Variants in PGM5 observed in about 807,000 individuals in gnomAD.
PGM5 encodes phosphoglucomutase 5, also known as phosphoglucomutase-like protein 5.
In PGM5, 23 loss-of-function variants were observed where a neutral mutation model predicts 59.2. The observed-to-expected ratio is 0.39, with a 90% CI of 0.28 to 0.55. The LOEUF is 0.55. Among genes scored for constraint, PGM5 ranks in the 20% least tolerant of loss-of-function variants. The pLI, the probability that PGM5 is intolerant of heterozygous loss-of-function variation, is 0.66. For missense variants in PGM5, 574 were observed against 748.3 expected (o/e 0.77, Z 2.72); for synonymous variants, 214 against 286.0 (o/e 0.75, Z 2.54).
chr9:68,509,103 G>C (rs1364155721), intron 10 of PGM5, among the ~76,000 whole-genome samples: 3 of 152,136 alleles, frequency 2.0e-5, no homozygotes, highest in Non-Finnish European at 4.4e-5. Flanking sequence ...CTGTTAAGGG[G>C]AGAATGTGGC....
intron 6 of PGM5, among the ~76,000 whole-genome samples, chr9:68,433,434 AT>A (rs1232993922): frequency 6.6e-6 from 1 of 152,080 alleles, no homozygotes; most frequent in Non-Finnish European, 1.5e-5. Context: ...AGCGGAGCTA[AT>A]TTTTTTTCTG....
chr9:68,490,057 T>G (rs1824364731), intron 9 of PGM5, among the ~76,000 whole-genome samples: 1 of 152,236 alleles, frequency 6.6e-6, no homozygotes, highest in African/African-American at 2.4e-5. Flanking sequence ...TTATTTTAAT[T>G]TGCAAGAAGG....
At chr9:68,490,480 GA>G in intron 9 of PGM5, among the ~76,000 whole-genome samples, 1 of 152,072 alleles carries the variant, frequency 6.6e-6, no homozygotes, top group Non-Finnish European at 1.5e-5. Flanking sequence ...TCAGCCCCCC[GA>G]GTAGCTGGGA....
chr9:68,403,765 T>G (rs1263413022), intron 6 of PGM5, among the ~76,000 whole-genome samples: 4 of 151,854 alleles, frequency 2.6e-5, no homozygotes, highest in Admixed American at 2.0e-4. Flanking sequence ...GTCATTCGTG[T>G]GGGTTGGTGT....
intron 9 of PGM5, among the ~76,000 whole-genome samples, chr9:68,488,261 C>G (rs1220500710): frequency 6.6e-6 from 1 of 152,160 alleles, no homozygotes; most frequent in Non-Finnish European, 1.5e-5. Flanking sequence ...CCCCAGCACA[C>G]ACACTCTGCT....
chr9:68,403,371 T>C (rs529742958), intron 6 of PGM5, among the ~76,000 whole-genome samples: 1 of 152,298 alleles, frequency 6.6e-6, no homozygotes, highest in Admixed American at 6.5e-5. Context: ...TTTCAGTATA[T>C]ATTACAGAGT....
chr9:68,384,537 A>G lies in PGM5; in HGVS notation c.564A>G (p.Pro188=), dbSNP rs146271811. Residue 188 remains proline, a synonymous_variant, in exon 3 of 11, where the codon CCA becomes CCG. Transcript: ENST00000396396. ...QEFDLENKFK[P]FRVEIVDPVD... ...TTGACCTAGAAAACAAATTCAAACCATTCAGAGGTAACAGAGATTTTATTT... is the reference window on the plus strand; with the variant it reads ...TTGACCTAGAAAACAAATTCAAACCGTTCAGAGGTAACAGAGATTTTATTT... 1,576 of 1,607,118 alleles carry G rather than the reference A, an allele frequency of 9.8e-4. 13 individuals carry two copies. In the African/African-American group the frequency reaches 0.019, roughly 19 times the overall value.
chr9:68,525,586 A>G (rs1405222133), intron 10 of PGM5, among the ~76,000 whole-genome samples: 1 of 152,254 alleles, frequency 6.6e-6, no homozygotes, highest in Non-Finnish European at 1.5e-5. Context: ...GAAAAACAAT[A>G]TATAAATAAA....
intron 1 of PGM5, among the ~76,000 whole-genome samples, chr9:68,358,925 T>G (rs1424954191): frequency 1.3e-5 from 2 of 152,178 alleles, no homozygotes; most frequent in Non-Finnish European, 2.9e-5. Context: ...ATCAGGGAGT[T>G]GAAGAGAGGT....
At chr9:68,450,287 C>T (rs930845239) in intron 6 of PGM5, among the ~76,000 whole-genome samples, 9 of 152,030 alleles carry the variant, frequency 5.9e-5, no homozygotes, top group Non-Finnish European at 1.3e-4. Context: ...AACAAAAAAA[C>T]CACTGCTTTT....
At position 68,465,223 on chromosome 9, in the gene PGM5, G is replaced by A; in HGVS notation, c.1159+15G>A. 1 of 1,528,442 alleles carries A rather than the reference G, an allele frequency of 6.5e-7. No individual in the cohort carries two copies. Among genetic ancestry groups the A allele is most frequent in the Non-Finnish European group, 9.1e-7 (1 of 1,103,270 alleles). The allele number at this position is 1,528,442 out of a possible 1,614,324, so 94.7% of individuals were successfully genotyped here. A position where few individuals can be genotyped will look rare whatever the true frequency, so the allele number is the denominator to read the frequency against. On this transcript the variant is annotated intron_variant, in intron 7 of 10. Transcript: ENST00000396396. ...CTTTGGCACTGGTAGGCTTTGTTGG[G>A]TTGATATTACTGGGGAGGGCGGCTG...
rs557005016 is a variant in PGM5, at chr9:68,389,322, G to T, written c.697+1734G>T. On this transcript the variant is annotated intron_variant, in intron 4 of 10. Transcript: ENST00000396396. Reference sequence around the variant, plus strand: ...TGATAAGATTTGACCAACATATACAGTCATGTAACCACTATCACAATCAAG... The same window carrying T: ...TGATAAGATTTGACCAACATATACATTCATGTAACCACTATCACAATCAAG... Among the ~76,000 whole-genome samples the T allele has an allele frequency of 1.1e-4, 17 of 152,174 alleles. No individual in the cohort carries two copies. In the South Asian group the frequency reaches 3.5e-3, roughly 32 times the overall value.
chr9:68,453,257 G>T (rs1412717216), intron 6 of PGM5, among the ~76,000 whole-genome samples: 6 of 152,136 alleles, frequency 3.9e-5, no homozygotes, highest in Admixed American at 1.3e-4. Flanking sequence ...AACATATAAG[G>T]TTATTAACCT....
intron 2 of PGM5, among the ~76,000 whole-genome samples, chr9:68,379,950 G>A (rs1554678191): frequency 6.6e-6 from 1 of 151,904 alleles, no homozygotes; most frequent in Admixed American, 6.6e-5. Flanking sequence ...ACTTAAATAT[G>A]TAAAGCAAAT....
At chr9:68,517,190 T>C (rs913325495) in intron 10 of PGM5, among the ~76,000 whole-genome samples, 1 of 152,106 alleles carries the variant, frequency 6.6e-6, no homozygotes, top group African/African-American at 2.4e-5. Context: ...AGCCTAGTTC[T>C]GTGTTGTAGT....
chr9:68,382,386 A>G (rs1822100839), intron 2 of PGM5, among the ~76,000 whole-genome samples: 1 of 151,860 alleles, frequency 6.6e-6, no homozygotes, highest in African/African-American at 2.4e-5. Context: ...ACTAAATATA[A>G]GATCTGAAAC....
At chr9:68,491,230 C>T (rs553313390) in intron 9 of PGM5, among the ~76,000 whole-genome samples, 23 of 152,236 alleles carry the variant, frequency 1.5e-4, no homozygotes, top group South Asian at 2.1e-4. Context: ...GTTTGTTGAA[C>T]GGTATTACAG....
chr9:68,417,234 T>C (rs1266123751), intron 6 of PGM5, among the ~76,000 whole-genome samples: 1 of 152,222 alleles, frequency 6.6e-6, no homozygotes, highest in Non-Finnish European at 1.5e-5. Context: ...CAGGGTTTCC[T>C]TGTCAAAATA....
At chr9:68,421,590 G>A (rs1233271759) in intron 6 of PGM5, among the ~76,000 whole-genome samples, 3 of 152,050 alleles carry the variant, frequency 2.0e-5, no homozygotes, top group Non-Finnish European at 4.4e-5. Flanking sequence ...GGTGGTGCGT[G>A]CCTGTAATCC....
Sources: allele counts gnomAD v4.1 joint callset (sites outside exome capture counted in the v4.1 genomes callset), GRCh38; gene constraint gnomAD v4.1.1; transcripts MANE v1.5; gene names NCBI Gene and HGNC (gene_info 2026-07-23, HGNC 2026-07-21).